Variants in ZNF804B observed in about 807,000 individuals in gnomAD.
The protein encoded by ZNF804B is zinc finger protein 804B, also known as zinc finger 804B.
A neutral mutation model predicts 101.4 loss-of-function variants in ZNF804B; 80 were observed. The ratio of observed to expected loss-of-function variants is 0.79; its 90% confidence interval spans 0.66 to 0.95. The LOEUF is 0.95. Ranked by LOEUF, ZNF804B falls within the 40% of genes least tolerant of loss-of-function variation. ZNF804B has a pLI of 0.00. For synonymous variants in ZNF804B, 622 were observed against 558.8 expected, an observed-to-expected ratio of 1.11 and a Z score of -1.59; for missense variants, 1,673 against 1,561.9, an observed-to-expected ratio of 1.07 and a Z score of -1.20.
chr7:88,860,961 A>G (rs1227826632), intron 1 of ZNF804B, among the ~76,000 whole-genome samples: 2 of 152,146 alleles, frequency 1.3e-5, no homozygotes, highest in African/African-American at 4.8e-5. Context: ...TGGAAGAAAT[A>G]AAGTTGGGCA....
At chr7:89,007,562 A>C (rs1584068184) in intron 1 of ZNF804B, among the ~76,000 whole-genome samples, 1 of 30,112 alleles carries the variant, frequency 3.3e-5, no homozygotes. Context: ...ATATTTATCT[A>C]TTATAATTAT....
At chr7:88,777,283 A>G (rs1444575371) in intron 1 of ZNF804B, among the ~76,000 whole-genome samples, 1 of 152,210 alleles carries the variant, frequency 6.6e-6, no homozygotes, top group Non-Finnish European at 1.5e-5. Flanking sequence ...CATGAGCGCT[A>G]AGATGCTAAG....
chr7:89,305,096 C>T (rs960069505), intron 2 of ZNF804B, among the ~76,000 whole-genome samples: 1 of 151,940 alleles, frequency 6.6e-6, no homozygotes, highest in Non-Finnish European at 1.5e-5. Context: ...ATGATTCTAA[C>T]AGCATTTATG....
At chr7:89,006,962 G>T (rs1166856870) in intron 1 of ZNF804B, among the ~76,000 whole-genome samples, 1 of 152,146 alleles carries the variant, frequency 6.6e-6, no homozygotes, top group African/African-American at 2.4e-5. Context: ...GGCTTGACCA[G>T]CAGATGAAGT....
At chr7:88,854,479 T>TTCTTTCTTTC (rs1791513602) in intron 1 of ZNF804B, among the ~76,000 whole-genome samples, 1 of 50,498 alleles carries the variant, frequency 2.0e-5, no homozygotes, top group South Asian at 8.7e-4. Flanking sequence ...TTCTTTCTCT[T>TTCTTTCTTTC]TCCTTTCCTT....
chr7:88,769,348 A>G (rs1173083083), intron 1 of ZNF804B, among the ~76,000 whole-genome samples: 4 of 152,124 alleles, frequency 2.6e-5, no homozygotes, highest in Non-Finnish European at 5.9e-5. Flanking sequence ...TTTTCATGGC[A>G]ATTTTTATCA....
intron 1 of ZNF804B, among the ~76,000 whole-genome samples, chr7:88,913,856 C>A (rs2115981059): frequency 6.6e-6 from 1 of 152,210 alleles, no homozygotes; most frequent in South Asian, 2.1e-4. Flanking sequence ...CCAAGAAGCC[C>A]AACTTTACTT....
At chr7:89,108,209 T>C (rs1790163986) in intron 1 of ZNF804B, among the ~76,000 whole-genome samples, 1 of 145,344 alleles carries the variant, frequency 6.9e-6, no homozygotes, top group Non-Finnish European at 1.5e-5. Context: ...GTTATGAAGT[T>C]ATATAATTAG....
chr7:88,892,262 A>G, intron 1 of ZNF804B, among the ~76,000 whole-genome samples: 1 of 152,008 alleles, frequency 6.6e-6, no homozygotes, highest in East Asian at 1.9e-4. Flanking sequence ...TCCTTCTCAG[A>G]TATTTTTCTT....
chr7:89,152,569 A>G (rs577479433), intron 1 of ZNF804B, among the ~76,000 whole-genome samples: 1 of 152,056 alleles, frequency 6.6e-6, no homozygotes, highest in South Asian at 2.1e-4. Flanking sequence ...CATTATTATG[A>G]TCTTTATGTT....
intron 1 of ZNF804B, among the ~76,000 whole-genome samples, chr7:88,961,920 G>T (rs1290579698): frequency 6.6e-6 from 1 of 151,218 alleles, no homozygotes; most frequent in Non-Finnish European, 1.5e-5. Context: ...GTCACTTAAC[G>T]AATACCAAAC....
chr7:88,969,128 T>C (rs1793497083), intron 1 of ZNF804B, among the ~76,000 whole-genome samples: 1 of 151,558 alleles, frequency 6.6e-6, no homozygotes, highest in South Asian at 2.1e-4. Context: ...CTCATCAAAA[T>C]AAAGCATATT....
intron 1 of ZNF804B, among the ~76,000 whole-genome samples, chr7:88,961,511 A>G (rs538850144): frequency 2.0e-5 from 3 of 151,396 alleles, no homozygotes; most frequent in Non-Finnish European, 4.4e-5. Flanking sequence ...TGAAGTTTTT[A>G]TATCCCTAAA....
At chr7:89,107,824 G>A (rs569754505) in intron 1 of ZNF804B, among the ~76,000 whole-genome samples, 7 of 152,204 alleles carry the variant, frequency 4.6e-5, no homozygotes, top group Admixed American at 1.3e-4. Flanking sequence ...AAACTTCACC[G>A]CTATTACTAA....
intron 1 of ZNF804B, among the ~76,000 whole-genome samples, chr7:89,016,934 C>G (rs1265296461): frequency 6.6e-6 from 1 of 152,126 alleles, no homozygotes; most frequent in East Asian, 1.9e-4. Context: ...GGCATTATGG[C>G]CGTTTTCACG....
At chr7:89,007,313 G>A (rs1018134550) in intron 1 of ZNF804B, among the ~76,000 whole-genome samples, 7 of 150,712 alleles carry the variant, frequency 4.6e-5, no homozygotes, top group African/African-American at 7.3e-5. Context: ...GTATCTTCTC[G>A]TTAAGCTAGT....
rs547466485 is a variant in ZNF804B, at chr7:88,929,749, C to G, written c.108+169665C>G. Among the ~76,000 whole-genome samples the G allele has an allele frequency of 1.2e-3, 187 of 151,974 alleles. 1 individual carries two copies. Among genetic ancestry groups the G allele is most frequent in the South Asian group, 0.01 (50 of 4,826 alleles). On this transcript the variant is annotated intron_variant, in intron 1 of 3. Coordinates refer to ENST00000333190, the MANE Select transcript of ZNF804B (RefSeq NM_181646.5). ...AAAAATAATCTGAGAAATCCTATTG[C>G]AATACTATCATTAGTGTAATGGTGA...
chr7:89,030,712 C>T lies in ZNF804B; in HGVS notation c.109-187443C>T, dbSNP rs80128898. ...TTTTCCACATTATGTGAAAAATATT[C>T]TGAAACCCAAATCAGTCACATAATT... On this transcript the variant is annotated intron_variant, in intron 1 of 3. Transcript: ENST00000333190. Among the ~76,000 whole-genome samples the T allele has an allele frequency of 9.7e-3, 1,483 of 152,188 alleles. 17 individuals carry two copies. The highest frequency in any genetic ancestry group is 0.034 in the African/African-American group (1,425 of 41,524).
chr7:88,855,439 G>T (rs1280527144), intron 1 of ZNF804B, among the ~76,000 whole-genome samples: 1 of 150,970 alleles, frequency 6.6e-6, no homozygotes, highest in Non-Finnish European at 1.5e-5. Context: ...TTGCCCACTT[G>T]TTGATGGGGT....
Sources: allele counts gnomAD v4.1 joint callset (sites outside exome capture counted in the v4.1 genomes callset), GRCh38; gene constraint gnomAD v4.1.1; transcripts MANE v1.5; gene names NCBI Gene and HGNC (gene_info 2026-07-23, HGNC 2026-07-21).